PTPRT: variants seen among roughly 807,000 people sequenced by gnomAD.
PTPRT encodes the protein receptor-type tyrosine-protein phosphatase T.
In PTPRT, 56 loss-of-function variants were observed where a neutral mutation model predicts 176.8. The observed-to-expected ratio is 0.32, with a 90% CI of 0.26 to 0.40. The LOEUF (loss-of-function observed/expected upper bound fraction) is 0.40. Ranked by LOEUF, PTPRT falls within the 10% of genes least tolerant of loss-of-function variation. The pLI is 1.00. For missense variants in PTPRT, 1,540 were observed against 1,908.2 expected (o/e 0.81, Z 3.60); for synonymous variants, 783 against 739.0 (o/e 1.06, Z -0.96).
chr20:42,032,025 T>C, the PTPRT span, among the ~76,000 whole-genome samples: 2 of 152,162 alleles, frequency 1.3e-5, no homozygotes, highest in African/African-American at 2.4e-5. Context: ...GTCACACATC[T>C]AGTAAATGGC....
At chr20:42,152,635 C>T (rs1366423451) in intron 17 of PTPRT, among the ~76,000 whole-genome samples, 1 of 152,202 alleles carries the variant, frequency 6.6e-6, no homozygotes, top group African/African-American at 2.4e-5. Context: ...TACCTCTATT[C>T]CTCCCAGCTG....
intron 2 of PTPRT, among the ~76,000 whole-genome samples, chr20:42,856,208 C>T (rs190787391): frequency 1.3e-5 from 2 of 152,194 alleles, no homozygotes; most frequent in East Asian, 1.9e-4. Flanking sequence ...TTTTGCAAGT[C>T]CTCAGCAATT....
chr20:43,159,017 G>C (rs943367372), intron 1 of PTPRT, among the ~76,000 whole-genome samples: 1 of 152,198 alleles, frequency 6.6e-6, no homozygotes, highest in Non-Finnish European at 1.5e-5. Context: ...GAGGATAAGG[G>C]AACAAATCAT....
intron 6 of PTPRT, among the ~76,000 whole-genome samples, chr20:42,746,850 C>T (rs2145364053): frequency 6.6e-6 from 1 of 152,144 alleles, no homozygotes; most frequent in Non-Finnish European, 1.5e-5. Flanking sequence ...ACTTCCAGAC[C>T]TAAGTTGGAG....
intron 7 of PTPRT, among the ~76,000 whole-genome samples, chr20:42,625,547 C>T (rs1432729369): frequency 2.0e-5 from 3 of 151,992 alleles, no homozygotes; most frequent in African/African-American, 7.3e-5. Context: ...TCCTCTGCCC[C>T]TACCACTCTC....
At chr20:42,713,282 T>C (rs886149215) in intron 6 of PTPRT, among the ~76,000 whole-genome samples, 3 of 152,164 alleles carry the variant, frequency 2.0e-5, no homozygotes, top group Admixed American at 2.0e-4. Context: ...TTTGATTTTT[T>C]GAACCACATA....
At chr20:42,900,395 C>A (rs2079382154) in intron 1 of PTPRT, among the ~76,000 whole-genome samples, 2 of 152,190 alleles carry the variant, frequency 1.3e-5, no homozygotes, top group Admixed American at 1.3e-4. Flanking sequence ...AGACTCCTAG[C>A]AAACATGGAT....
intron 2 of PTPRT, among the ~76,000 whole-genome samples, chr20:42,857,835 C>T (rs2078591812): frequency 6.6e-6 from 1 of 152,216 alleles, no homozygotes; most frequent in Admixed American, 6.5e-5. Context: ...AGATTCAACT[C>T]ATATGTCTTC....
At chr20:42,384,648 G>A (rs1207392171) in intron 9 of PTPRT, among the ~76,000 whole-genome samples, 1 of 152,058 alleles carries the variant, frequency 6.6e-6, no homozygotes, top group East Asian at 1.9e-4. Flanking sequence ...TGGGTCACAT[G>A]GTAATTCTAT....
intron 6 of PTPRT, among the ~76,000 whole-genome samples, chr20:42,695,971 A>G (rs4812628): frequency 0.37 from 55,889 of 151,562 alleles, 11,355 homozygotes; most frequent in African/African-American, 0.55. Context: ...CATGGCCTTC[A>G]GTAACCCTAT....
Position 42,880,955 on chromosome 20 carries a change from C to T in PTPRT, c.214+4852G>A, listed in dbSNP as rs148962145. Among the ~76,000 whole-genome samples, 23 of 152,288 alleles carry T rather than the reference C, an allele frequency of 1.5e-4. No homozygotes were observed. The East Asian group carries it at 2.5e-3, about 17-fold the overall frequency. On this transcript the variant is annotated intron_variant, in intron 2 of 30. Transcript: ENST00000373187. ...GGGGTGGAGGAAATGTCTAAGCCCT[C>T]GATGCAGCAATGCATCCTGGACTTG...
chr20:42,812,680 A>G (rs1034123359), intron 2 of PTPRT, among the ~76,000 whole-genome samples: 7 of 152,068 alleles, frequency 4.6e-5, no homozygotes, highest in African/African-American at 1.4e-4. Flanking sequence ...TTTGAATCCC[A>G]ATTCTGTTAT....
chr20:42,562,648 A>G (rs2072971606), intron 7 of PTPRT, among the ~76,000 whole-genome samples: 1 of 152,152 alleles, frequency 6.6e-6, no homozygotes, highest in Non-Finnish European at 1.5e-5. Flanking sequence ...TTAAGCACCA[A>G]AATTCATTCC....
chr20:42,816,510 G>A (rs1036785720), intron 2 of PTPRT, among the ~76,000 whole-genome samples: 3 of 152,156 alleles, frequency 2.0e-5, no homozygotes, highest in Non-Finnish European at 4.4e-5. Context: ...ACATGTAGAA[G>A]GAGGGACCTG....
chr20:42,137,776 G>A (rs1247409387), intron 18 of PTPRT, among the ~76,000 whole-genome samples: 1 of 152,178 alleles, frequency 6.6e-6, no homozygotes, highest in Non-Finnish European at 1.5e-5. Flanking sequence ...CCATCTGATG[G>A]GTGAGAACCT....
chr20:43,096,884 C>T (rs1274106877), intron 1 of PTPRT, among the ~76,000 whole-genome samples: 1 of 152,162 alleles, frequency 6.6e-6, no homozygotes, highest in Non-Finnish European at 1.5e-5. Flanking sequence ...CAGCATAAAT[C>T]CAATGGTGTG....
intron 1 of PTPRT, among the ~76,000 whole-genome samples, chr20:43,027,488 A>AAC (rs386393793): frequency 2.6e-5 from 4 of 151,338 alleles, no homozygotes; most frequent in Non-Finnish European, 4.4e-5. Flanking sequence ...AAAAAAAAAA[A>AAC]ATTAGACAGG....
chr20:43,048,407 G>T (rs1320417454), intron 1 of PTPRT, among the ~76,000 whole-genome samples: 1 of 152,136 alleles, frequency 6.6e-6, no homozygotes. Context: ...AGGGAAGGGG[G>T]TGCACAACAG....
chr20:43,166,834 T>C lies in PTPRT; in HGVS notation c.88+22812A>G, dbSNP rs747120704. Among the ~76,000 whole-genome samples the C allele has an allele frequency of 5.3e-5, 8 of 152,138 alleles. 1 individual carries two copies. The highest frequency in any genetic ancestry group is 1.0e-4 in the Non-Finnish European group (7 of 68,034). Reference sequence around the variant, plus strand: ...CAACACCGGGGTTATAAATGAATAATAATAAAGAAAAGTGTGGTTTCTCCC... The same window carrying C: ...CAACACCGGGGTTATAAATGAATAACAATAAAGAAAAGTGTGGTTTCTCCC... On this transcript the variant is annotated intron_variant, in intron 1 of 30. Transcript: ENST00000373187.
Sources: allele counts gnomAD v4.1 joint callset (sites outside exome capture counted in the v4.1 genomes callset), GRCh38; gene constraint gnomAD v4.1.1; transcripts MANE v1.5; gene names NCBI Gene and HGNC (gene_info 2026-07-23, HGNC 2026-07-21).